KIAA1217: variants seen among roughly 807,000 people sequenced by gnomAD.
The protein encoded by KIAA1217 is KIAA1217, also known as sickle tail protein homolog.
A neutral mutation model predicts 163.9 loss-of-function variants in KIAA1217; 88 were observed. The ratio of observed to expected loss-of-function variants is 0.54; its 90% CI spans 0.45 to 0.64. KIAA1217 has a LOEUF of 0.64. KIAA1217 is among the 30% of genes least tolerant of loss of function. The pLI, the probability that KIAA1217 is intolerant of heterozygous loss-of-function variation, is 0.00. For missense variants in KIAA1217, 2,372 were observed against 2,475.0 expected (o/e 0.96, Z 0.88); for synonymous variants, 903 against 923.1 (o/e 0.98, Z 0.39).
chr10:24,333,318 G>C (rs1247330466), intron 2 of KIAA1217, among the ~76,000 whole-genome samples: 1 of 152,120 alleles, frequency 6.6e-6, no homozygotes, highest in African/African-American at 2.4e-5. Context: ...AGCCACCACA[G>C]GGTACTTACT....
intron 6 of KIAA1217, among the ~76,000 whole-genome samples, chr10:24,480,167 C>A (rs1288014228): frequency 1.3e-5 from 2 of 152,180 alleles, no homozygotes; most frequent in East Asian, 3.9e-4. Flanking sequence ...AATGCCCTGC[C>A]CAGGGGGGCA....
intron 2 of KIAA1217, among the ~76,000 whole-genome samples, chr10:24,336,583 T>C (rs1054714105): frequency 1.3e-5 from 2 of 152,186 alleles, no homozygotes; most frequent in East Asian, 1.9e-4. Context: ...CTGTTCAGCA[T>C]TGTGTCTGTG....
chr10:23,983,532 A>C (rs1373921457), intron 1 of KIAA1217, among the ~76,000 whole-genome samples: 1 of 152,060 alleles, frequency 6.6e-6, no homozygotes, highest in Non-Finnish European at 1.5e-5. Flanking sequence ...AAACAACCAG[A>C]TCTCACGAGA....
chr10:24,374,596 A>T (rs558656697), intron 2 of KIAA1217, among the ~76,000 whole-genome samples: 1 of 152,308 alleles, frequency 6.6e-6, no homozygotes, highest in Admixed American at 6.5e-5. Flanking sequence ...TGCAGTTCTC[A>T]CATCCACCCG....
chr10:23,962,635 C>T (rs1169279947), intron 1 of KIAA1217, among the ~76,000 whole-genome samples: 5 of 152,136 alleles, frequency 3.3e-5, no homozygotes, highest in African/African-American at 7.2e-5. Context: ...GACCCTACCC[C>T]GTATCCCACC....
At chr10:24,438,345 C>T in intron 4 of KIAA1217, 41 bp from the exon 5 acceptor site, 1 of 1,423,964 alleles carries the variant, frequency 7.0e-7, no homozygotes. Context: ...CAAAGTCAGG[C>T]TTCTTTCATC....
At chr10:23,921,450 C>T (rs1311944137) in intron 1 of KIAA1217, among the ~76,000 whole-genome samples, 1 of 152,176 alleles carries the variant, frequency 6.6e-6, no homozygotes, top group Non-Finnish European at 1.5e-5. Context: ...GTTGTCACTT[C>T]CTTCTCTCAT....
chr10:24,492,427 TC>T (rs1300652819), intron 6 of KIAA1217, among the ~76,000 whole-genome samples: 1 of 152,196 alleles, frequency 6.6e-6, no homozygotes, highest in Non-Finnish European at 1.5e-5. Context: ...TGCAAATCAC[TC>T]CGTGGAGATA....
chr10:24,375,345 A>G (rs1403641882), intron 2 of KIAA1217, among the ~76,000 whole-genome samples: 1 of 152,204 alleles, frequency 6.6e-6, no homozygotes, highest in Non-Finnish European at 1.5e-5. Flanking sequence ...GAAAAAGGCA[A>G]CTGCACTGTG....
At chr10:24,290,650 C>A (rs1476275576) in intron 2 of KIAA1217, among the ~76,000 whole-genome samples, 2 of 150,456 alleles carry the variant, frequency 1.3e-5, no homozygotes, top group Non-Finnish European at 2.9e-5. Flanking sequence ...GTCACCCAGG[C>A]TGGAGTGTAG....
At chr10:23,943,891 A>G (rs1354524610) in intron 1 of KIAA1217, among the ~76,000 whole-genome samples, 1 of 152,210 alleles carries the variant, frequency 6.6e-6, no homozygotes, top group South Asian at 2.1e-4. Flanking sequence ...ACAATGAAAA[A>G]CTAAACTTTT....
intron 2 of KIAA1217, among the ~76,000 whole-genome samples, chr10:24,018,150 A>T (rs1847572534): frequency 6.6e-6 from 1 of 152,054 alleles, no homozygotes; most frequent in South Asian, 2.1e-4. Context: ...AAAAAAAATT[A>T]TAAGGAGTAT....
chr10:23,906,779 A>G (rs1394661315), intron 1 of KIAA1217, among the ~76,000 whole-genome samples: 1 of 152,104 alleles, frequency 6.6e-6, no homozygotes, highest in African/African-American at 2.4e-5. Flanking sequence ...AATGGAGAAG[A>G]AAAGTCTTCC....
intron 2 of KIAA1217, among the ~76,000 whole-genome samples, chr10:24,321,795 G>T (rs1080524): frequency 6.6e-6 from 1 of 151,906 alleles, no homozygotes; most frequent in Non-Finnish European, 1.5e-5. Flanking sequence ...TTCAATGGGT[G>T]TGCAGTTTCA....
chr10:23,711,950 G>A (rs1409945528), intron 1 of KIAA1217, among the ~76,000 whole-genome samples: 3 of 152,124 alleles, frequency 2.0e-5, no homozygotes, highest in African/African-American at 7.2e-5. Context: ...CTCCCTAAGT[G>A]AGTCACAGGA....
chr10:23,958,659 AAG>A (rs750483266), intron 1 of KIAA1217, among the ~76,000 whole-genome samples: 65 of 149,912 alleles, frequency 4.3e-4, no homozygotes, highest in African/African-American at 1.2e-3. Context: ...AAATGAGAGA[AAG>A]AGAGAGAGAG....
chr10:23,697,723 A>G (rs1442213172), intron 1 of KIAA1217, among the ~76,000 whole-genome samples: 1 of 151,580 alleles, frequency 6.6e-6, no homozygotes, highest in Non-Finnish European at 1.5e-5. Flanking sequence ...ACAAAAAAAA[A>G]AAAAATTAGC....
intron 5 of KIAA1217, among the ~76,000 whole-genome samples, chr10:24,458,917 C>T (rs1229805471): frequency 5.3e-5 from 8 of 152,104 alleles, no homozygotes; most frequent in Non-Finnish European, 1.2e-4. Flanking sequence ...TACTATGTCC[C>T]TCTACTCACT....
intron 4 of KIAA1217, among the ~76,000 whole-genome samples, chr10:24,433,601 G>T (rs1201410713): frequency 6.6e-6 from 1 of 152,126 alleles, no homozygotes; most frequent in African/African-American, 2.4e-5. Context: ...CTAAGGGTTA[G>T]GGAAACTAAG....
Sources: allele counts gnomAD v4.1 joint callset (sites outside exome capture counted in the v4.1 genomes callset), GRCh38; gene constraint gnomAD v4.1.1; transcripts MANE v1.5; gene names NCBI Gene and HGNC (gene_info 2026-07-23, HGNC 2026-07-21).